Variants in NFATC2 observed in about 807,000 individuals in gnomAD.
The protein encoded by NFATC2 is nuclear factor of activated T-cells, cytoplasmic 2.
NFATC2 carries 22 observed loss-of-function variants against 87.3 expected under a neutral mutation model. That is an observed-to-expected ratio of 0.25 (90% CI 0.18 to 0.36). NFATC2 has a LOEUF of 0.36. Ranked by LOEUF, NFATC2 falls within the 10% of genes least tolerant of loss-of-function variation. The pLI is 1.00. For missense variants in NFATC2, 1,149 were observed against 1,259.1 expected, an observed-to-expected ratio of 0.91 and a Z score of 1.32; for synonymous variants, 565 against 542.2, an observed-to-expected ratio of 1.04 and a Z score of -0.58.
chr20:51,463,722 C>T (rs1987388761), intron 5 of NFATC2, among the ~76,000 whole-genome samples: 1 of 152,226 alleles, frequency 6.6e-6, no homozygotes, highest in Non-Finnish European at 1.5e-5. Context: ...CGCCCACACC[C>T]TGCAAGGGTG....
intron 3 of NFATC2, among the ~76,000 whole-genome samples, chr20:51,513,350 AC>A (rs2076301942): frequency 6.6e-6 from 1 of 152,152 alleles, no homozygotes; most frequent in Non-Finnish European, 1.5e-5. Flanking sequence ...TGGTGGTAAC[AC>A]GCCTATAGTC....
At chr20:51,471,402 A>G (rs1988188803) in intron 5 of NFATC2, among the ~76,000 whole-genome samples, 1 of 152,250 alleles carries the variant, frequency 6.6e-6, no homozygotes, top group South Asian at 2.1e-4. Flanking sequence ...CACCATGACC[A>G]GCATTTGATG....
At chr20:51,427,947 G>C (rs1309344905) in intron 9 of NFATC2, among the ~76,000 whole-genome samples, 15 of 152,220 alleles carry the variant, frequency 9.9e-5, no homozygotes, top group African/African-American at 3.6e-4. Context: ...ATCACCGTGA[G>C]AGCAAAGATT....
chr20:51,466,773 T>TA (rs1987725485), intron 5 of NFATC2, among the ~76,000 whole-genome samples: 1 of 152,070 alleles, frequency 6.6e-6, no homozygotes, highest in African/African-American at 2.4e-5. Flanking sequence ...TGAATGTTCA[T>TA]AAAAAGACAC....
chr20:51,477,535 C>CTATATATATATA (rs11467129), intron 3 of NFATC2, among the ~76,000 whole-genome samples: 9 of 72,724 alleles, frequency 1.2e-4, no homozygotes, highest in Admixed American at 3.3e-4. Flanking sequence ...GTGTGTGTGT[C>CTATATATATATA]TATATATATA....
At chr20:51,431,953 G>T in intron 9 of NFATC2, 114 bp downstream of exon 9, 1 of 1,114,792 alleles carries the variant, frequency 9.0e-7, no homozygotes, top group Non-Finnish European at 1.2e-6. Context: ...ATTAAAATGG[G>T]GACACTGAGG....
chr20:51,442,938 A>T (rs575647403), intron 6 of NFATC2, among the ~76,000 whole-genome samples: 24 of 152,244 alleles, frequency 1.6e-4, no homozygotes, highest in African/African-American at 5.5e-4. Context: ...CCCAGGCTCA[A>T]GAGAGACATG....
chr20:51,517,892 G>T (rs1406124412), intron 2 of NFATC2, among the ~76,000 whole-genome samples: 1 of 148,284 alleles, frequency 6.7e-6, no homozygotes, highest in South Asian at 2.2e-4. Flanking sequence ...ACTTTAGCCT[G>T]GGTAACAGAG....
chr20:51,562,201 T>C lies in NFATC2; in HGVS notation c.70+359A>G, dbSNP rs978869346. Reference sequence around the variant, plus strand: ...AATACTGCAGCGTTATGGCATTTGCTGTCAAAAGCCGAGTGCTGAAACGGT... The same window carrying C: ...AATACTGCAGCGTTATGGCATTTGCCGTCAAAAGCCGAGTGCTGAAACGGT... On this transcript the variant is annotated intron_variant, in intron 1 of 10. Transcript: ENST00000414705. This position sits in a 1 kb window ranked among gnomAD's most constrained non-coding sequence, Gnocchi z 5.8. Among the ~76,000 whole-genome samples, 6 of 152,230 alleles carry C rather than the reference T, an allele frequency of 3.9e-5. No individual in the cohort carries two copies. Among genetic ancestry groups the C allele is most frequent in the Non-Finnish European group, 5.9e-5 (4 of 68,042 alleles).
chr20:51,406,705 C>A (rs1978368573), intron 9 of NFATC2, among the ~76,000 whole-genome samples: 1 of 152,216 alleles, frequency 6.6e-6, no homozygotes, highest in South Asian at 2.1e-4. Flanking sequence ...TGGTATCAGT[C>A]TGACTCTGGC....
At chr20:51,437,112 C>CA (rs3029278) in intron 6 of NFATC2, among the ~76,000 whole-genome samples, 1,953 of 130,624 alleles carry the variant, frequency 0.015, 37 homozygotes, top group African/African-American at 0.051. Context: ...GAAGTTGGGC[C>CA]AAAAAAAAAA....
At chr20:51,399,068 T>C (rs1418256113) in intron 9 of NFATC2, 9 of 221,316 alleles carry the variant, frequency 4.1e-5, no homozygotes, top group Admixed American at 2.6e-4. Context: ...ATTAAGCTGG[T>C]TTCTGCTGCA....
At chr20:51,426,542 G>T (rs1455831806) in intron 9 of NFATC2, among the ~76,000 whole-genome samples, 1 of 151,986 alleles carries the variant, frequency 6.6e-6, no homozygotes, top group African/African-American at 2.4e-5. Context: ...TTATTGACAT[G>T]CACTAACTCA....
At chr20:51,427,074 T>C (rs1012094448) in intron 9 of NFATC2, among the ~76,000 whole-genome samples, 5 of 151,820 alleles carry the variant, frequency 3.3e-5, no homozygotes, top group Non-Finnish European at 7.4e-5. Flanking sequence ...TTCTGGACGT[T>C]TCCAGAACGG....
In NFATC2 at chr20:51,513,723, G is replaced by A. The variant is rs75433997; in HGVS notation, c.1332+3061C>T. On this transcript the variant is annotated intron_variant, in intron 3 of 10. Coordinates refer to ENST00000371564, the MANE Select transcript of NFATC2 (RefSeq NM_012340.5). ...AGGCCACAGCCTACTGGACCAATGGGCGGCACCCTCCCAAGACAGGGCCAA... is the reference window on the plus strand; with the variant it reads ...AGGCCACAGCCTACTGGACCAATGGACGGCACCCTCCCAAGACAGGGCCAA... Among the ~76,000 whole-genome samples the A allele has an allele frequency of 2.1e-3, 313 of 152,334 alleles. 1 individual carries two copies. The highest frequency in any genetic ancestry group is 7.3e-3 in the African/African-American group (302 of 41,570).
At chr20:51,463,976 C>T (rs1311046657) in intron 5 of NFATC2, among the ~76,000 whole-genome samples, 1 of 147,618 alleles carries the variant, frequency 6.8e-6, no homozygotes, top group Non-Finnish European at 1.5e-5. Context: ...CAATCCTGGG[C>T]TCTCCAAAAA....
At position 51,405,435 on chromosome 20, in the gene NFATC2, T is replaced by TCATCCCA. The variant is rs5841841; in HGVS notation, c.2723-6706_2723-6705insTGGGATG. Reference sequence around the variant, plus strand: ...TGCAGGCGCCATGACCTCACACGTGTCATCTCACCGTGCCTCACCAGCAGG... The same window carrying TCATCCCA: ...TGCAGGCGCCATGACCTCACACGTGTCATCCCACATCTCACCGTGCCTCACCAGCAGG... On this transcript the variant is annotated intron_variant, in intron 9 of 10. Coordinates refer to ENST00000371564, the MANE Select transcript of NFATC2 (RefSeq NM_012340.5). 5.3e-5 allele frequency among the ~76,000 whole-genome samples: 8 copies of TCATCCCA among 151,438 alleles called. No homozygotes were observed. In the South Asian group the frequency reaches 1.5e-3, roughly 28 times the overall value.
chr20:51,537,113 C>T (rs112844724), intron 1 of NFATC2, among the ~76,000 whole-genome samples: 75 of 151,976 alleles, frequency 4.9e-4, no homozygotes, highest in African/African-American at 1.7e-3. Flanking sequence ...GTGAATGGGT[C>T]GAGAGCAGGT....
At chr20:51,409,369 G>C (rs1978850323) in intron 9 of NFATC2, among the ~76,000 whole-genome samples, 1 of 152,308 alleles carries the variant, frequency 6.6e-6, no homozygotes, top group Non-Finnish European at 1.5e-5. Flanking sequence ...TGGAAAAATA[G>C]GCTTTACAAT....
Sources: gnomAD v4.1 joint callset for allele counts (sites outside exome capture counted in the v4.1 genomes callset) on GRCh38, gnomAD v4.1.1 for gene constraint, Gnocchi (gnomAD v3.1) non-coding constraint, MANE v1.5 for transcripts, NCBI Gene and HGNC (gene_info 2026-07-23, HGNC 2026-07-21) for gene names.